The following IGFBP4 variants were observed in gnomAD, a reference collection of about 807,000 sequenced individuals.
The protein encoded by IGFBP4 is insulin-like growth factor-binding protein 4.
Under a neutral mutation model 25.8 loss-of-function variants are expected in IGFBP4, and 9 were observed. The ratio of observed to expected loss-of-function variants is 0.35; its 90% CI spans 0.21 to 0.61. The LOEUF (loss-of-function observed/expected upper bound fraction) is 0.61, where lower values mean the gene tolerates loss of function less well. Among genes scored for constraint, IGFBP4 ranks in the 20% least tolerant of loss-of-function variants. The pLI, the probability that IGFBP4 is intolerant of heterozygous loss-of-function variation, is 0.77. For synonymous variants in IGFBP4, 153 were observed against 153.9 expected, an observed-to-expected ratio of 0.99 and a Z score of 0.05; for missense variants, 315 against 365.3, an observed-to-expected ratio of 0.86 and a Z score of 1.12.
chr17:40,454,773 G>C (rs1326127051), intron 3 of IGFBP4, among the ~76,000 whole-genome samples: 2 of 152,186 alleles, frequency 1.3e-5, no homozygotes, highest in Non-Finnish European at 2.9e-5. Context: ...CATCAGAATG[G>C]GTGGCCTGTC....
chr17:40,453,138 C>A lies in IGFBP4; in HGVS notation c.503C>A (p.Pro168His). 1 of 1,564,756 alleles carries A rather than the reference C, an allele frequency of 6.4e-7. No homozygotes were observed. The highest frequency in any genetic ancestry group is 8.7e-7 in the Non-Finnish European group (1 of 1,153,208). The change falls in exon 2 of 4, where the codon CCT (proline) becomes CAT (histidine). Residue 168 changes from proline to histidine, a missense_variant. Transcript: ENST00000269593. The surrounding 1 kb of genome is among the most constrained non-coding windows in gnomAD (Gnocchi z 4.0). The stretch of plus-strand genomic sequence containing the variant: ...GGGGCGCCCCGGGAGGATGCCCGGC[C>A]TGTGGTAAGGACCTCCGATGCACAA... ...VNGAPREDAR[P>H]VPQGSCQSEL...
At position 40,456,562 on chromosome 17, in the gene IGFBP4, G is replaced by C. The variant is rs766369009; in HGVS notation, c.756G>C (p.Leu252=). Residue 252 remains leucine (L), a synonymous_variant, in exon 4 of 4, where the codon CTG becomes CTC. Coordinates refer to ENST00000269593, the MANE Select transcript of IGFBP4 (RefSeq NM_001552.3). The part of the protein sequence containing the change: ...EPKGELDCHQ[L]ADSFRE ...AGGGGGAGCTGGACTGCCACCAGCT[G>C]GCTGACAGCTTTCGAGAGTGAGGCC... 3.3e-5 allele frequency: 53 copies of C among 1,613,152 alleles called. No homozygotes were observed. The South Asian group carries it at 5.4e-4, about 16-fold the overall frequency.
chr17:40,449,910 C>T (rs1012531677), intron 1 of IGFBP4, among the ~76,000 whole-genome samples: 3 of 152,214 alleles, frequency 2.0e-5, no homozygotes, highest in Non-Finnish European at 4.4e-5. Context: ...GAAAACTCTT[C>T]CTCACTCCTT....
Position 40,444,006 on chromosome 17 carries a change from C to T in IGFBP4, c.271C>T (p.His91Tyr), listed in dbSNP as rs775288523. Residue 91 changes from histidine to tyrosine, a missense_variant, in exon 1 of 4, where the codon CAC (histidine) becomes TAC (tyrosine). Physicochemically the swap from His to Tyr is moderately conservative, Grantham distance 83. Coordinates refer to ENST00000269593, the MANE Select transcript of IGFBP4 (RefSeq NM_001552.3). ...GCCCCGAGGGGTGGAGAAGCCCCTG[C>T]ACACACTGATGCACGGGCAAGGCGT... is the stretch of plus-strand genomic sequence containing the variant. Reference protein sequence around the residue: ...YPPRGVEKPLHTLMHGQGVCM... With the variant: ...YPPRGVEKPLYTLMHGQGVCM... 10 of 1,536,490 alleles carry T rather than the reference C, an allele frequency of 6.5e-6. No individual in the cohort carries two copies. The African/African-American group carries it at 1.2e-4, about 19-fold the overall frequency.
chr17:40,456,402 C>T, intron 3 of IGFBP4, 47 bp from the exon 4 acceptor site: 1 of 1,610,440 alleles, frequency 6.2e-7, no homozygotes, highest in African/African-American at 1.3e-5. Flanking sequence ...CACTTGGGGT[C>T]TCTTTTCCTG....
At chr17:40,445,964 G>C (rs1274485756) in intron 1 of IGFBP4, among the ~76,000 whole-genome samples, 1 of 152,050 alleles carries the variant, frequency 6.6e-6, no homozygotes, top group Non-Finnish European at 1.5e-5. Flanking sequence ...CTGTAGTGGA[G>C]GAAAATAAGA....
chr17:40,444,585 G>C (rs1482733644), intron 1 of IGFBP4, among the ~76,000 whole-genome samples: 1 of 152,082 alleles, frequency 6.6e-6, no homozygotes, highest in East Asian at 1.9e-4. Flanking sequence ...ATACAAATTA[G>C]AGGGACTTTG....
intron 1 of IGFBP4, among the ~76,000 whole-genome samples, chr17:40,452,374 C>T (rs536608097): frequency 6.6e-6 from 1 of 152,218 alleles, no homozygotes; most frequent in South Asian, 2.1e-4. Flanking sequence ...TACACACACA[C>T]TCACACACAC....
intron 1 of IGFBP4, among the ~76,000 whole-genome samples, chr17:40,446,423 C>G (rs1337248978): frequency 2.0e-5 from 3 of 151,708 alleles, no homozygotes; most frequent in African/African-American, 7.3e-5. Flanking sequence ...TGAGACCAGC[C>G]TGGTCAACAT....
intron 1 of IGFBP4, among the ~76,000 whole-genome samples, chr17:40,444,924 C>CAGAG (rs1330348884): frequency 1.6e-4 from 15 of 96,152 alleles, no homozygotes; most frequent in African/African-American, 4.1e-4. Flanking sequence ...CACACACACA[C>CAGAG]ACAGAGACAG....
At chr17:40,447,643 C>T (rs10305288) in intron 1 of IGFBP4, among the ~76,000 whole-genome samples, 4,278 of 152,196 alleles carry the variant, frequency 0.028, 73 homozygotes, top group Non-Finnish European at 0.042. Flanking sequence ...ATTGGTGCCT[C>T]GGGTATCAGG....
At chr17:40,452,298 T>TC (rs2143742899) in intron 1 of IGFBP4, among the ~76,000 whole-genome samples, 1 of 152,242 alleles carries the variant, frequency 6.6e-6, no homozygotes, top group South Asian at 2.1e-4. Context: ...ATGGGAAACT[T>TC]CGAGGTGGGG....
At chr17:40,447,048 G>A (rs1213514389) in intron 1 of IGFBP4, among the ~76,000 whole-genome samples, 2 of 152,244 alleles carry the variant, frequency 1.3e-5, no homozygotes, top group East Asian at 1.9e-4. Context: ...ACTGGCCCGC[G>A]AATAGCTTGG....
In IGFBP4 at chr17:40,456,594, C is replaced by T. The variant is rs1341105574; in HGVS notation, c.*11C>T. ...AGCTTTCGAGAGTGAGGCCTGCCAG[C>T]AGGCCAGGGACTCAGCGTCCCCTGC... On this transcript the variant is annotated 3_prime_UTR_variant, in exon 4 of 4. Transcript: ENST00000269593. The T allele has an allele frequency of 1.2e-6, 2 of 1,610,938 alleles. No individual in the cohort carries two copies. The highest frequency in any genetic ancestry group is 1.3e-5 in the African/African-American group (1 of 74,854).
At chr17:40,446,514 G>T (rs575956321) in intron 1 of IGFBP4, among the ~76,000 whole-genome samples, 1 of 152,294 alleles carries the variant, frequency 6.6e-6, no homozygotes, top group East Asian at 1.9e-4. Context: ...TACTTGGGAG[G>T]CTGAGGCAGG....
chr17:40,452,933 ACG>A (rs2035693141), intron 1 of IGFBP4, 50 bp from the exon 2 acceptor site: 2 of 1,375,158 alleles, frequency 1.5e-6, no homozygotes, highest in African/African-American at 1.5e-5. Context: ...GGTTGGTGTG[ACG>A]CTCTGACCTC....
intron 1 of IGFBP4, among the ~76,000 whole-genome samples, chr17:40,450,563 G>T (rs1174655768): frequency 6.6e-6 from 1 of 151,908 alleles, no homozygotes; most frequent in Non-Finnish European, 1.5e-5. Flanking sequence ...TAAGAGACAG[G>T]GTCTTGCTCT....
intron 1 of IGFBP4, among the ~76,000 whole-genome samples, chr17:40,446,169 C>CAA (rs71152673): frequency 0.013 from 1,314 of 99,212 alleles, 32 homozygotes; most frequent in Middle Eastern, 0.044. Context: ...CCCGTCTCTA[C>CAA]AAAAAAAAAA....
In IGFBP4 at chr17:40,444,932, CAGAGAGAGAGAGAG is replaced by C. The variant is rs10603634; in HGVS notation, c.349+888_349+901del. ...ACACACACACACACACACACAGAGA[CAGAGAGAGAGAGAG>C]AGAGAGAGAGAGAGAGAGAGAGAGA... On this transcript the variant is annotated intron_variant, in intron 1 of 3. Coordinates refer to ENST00000269593, the MANE Select transcript of IGFBP4 (RefSeq NM_001552.3). Among the ~76,000 whole-genome samples, 705 of 75,342 alleles carry C rather than the reference CAGAGAGAGAGAGAG, an allele frequency of 9.4e-3. 4 individuals are homozygous for C. The highest frequency in any genetic ancestry group is 0.023 in the Admixed American group (159 of 6,780). 49.4% of individuals were successfully genotyped at this position (75,342 alleles called of 152,430 possible).
Sources: allele counts gnomAD v4.1 joint callset (sites outside exome capture counted in the v4.1 genomes callset), GRCh38; gene constraint gnomAD v4.1.1; non-coding constraint Gnocchi (gnomAD v3.1); transcripts MANE v1.5; gene names NCBI Gene and HGNC (gene_info 2026-07-23, HGNC 2026-07-21).